Variants in PPARGC1A observed in about 807,000 individuals in gnomAD.
PPARGC1A encodes the protein peroxisome proliferator-activated receptor gamma coactivator 1-alpha.
Under a neutral mutation model 88.7 loss-of-function variants are expected in PPARGC1A, and 25 were observed. The observed-to-expected ratio is 0.28, with a 90% CI of 0.21 to 0.39. The LOEUF (loss-of-function observed/expected upper bound fraction) is 0.39, where lower values mean the gene tolerates loss of function less well. Among genes scored for constraint, PPARGC1A ranks in the 10% least tolerant of loss-of-function variants. The pLI is 1.00. For synonymous variants in PPARGC1A, 363 were observed against 355.6 expected (o/e 1.02, Z -0.24); for missense variants, 880 against 968.7 (o/e 0.91, Z 1.22).
the PPARGC1A span, among the ~76,000 whole-genome samples, chr4:23,959,182 G>A: frequency 1.3e-5 from 2 of 152,060 alleles, no homozygotes; most frequent in African/African-American, 4.8e-5. Context: ...CGAAGGGGCG[G>A]CATTGCCCAC....
At chr4:24,298,186 G>GAAA in the PPARGC1A span, among the ~76,000 whole-genome samples, 6 of 147,854 alleles carry the variant, frequency 4.1e-5, no homozygotes, top group East Asian at 2.0e-4. Context: ...ATTACCAAAT[G>GAAA]AAAAAAAAAA....
At chr4:24,447,027 A>G in the PPARGC1A span, among the ~76,000 whole-genome samples, 2 of 152,116 alleles carry the variant, frequency 1.3e-5, no homozygotes. Flanking sequence ...CGTCTATCTG[A>G]CTGCTGCTAC....
chr4:24,206,673 T>A, the PPARGC1A span, among the ~76,000 whole-genome samples: 2,777 of 151,506 alleles, frequency 0.018, 84 homozygotes, highest in East Asian at 0.15. Context: ...CTCTACTAAA[T>A]ACACACACAA....
At chr4:24,356,429 C>A in the PPARGC1A span, among the ~76,000 whole-genome samples, 1 of 152,202 alleles carries the variant, frequency 6.6e-6, no homozygotes, top group Admixed American at 6.5e-5. Context: ...GGACATTAAC[C>A]TGAGTTATCC....
chr4:24,109,077 T>A, the PPARGC1A span, among the ~76,000 whole-genome samples: 2 of 141,602 alleles, frequency 1.4e-5, no homozygotes, highest in African/African-American at 5.4e-5. Flanking sequence ...TAAATGCCAT[T>A]GCTAGAAAGG....
the PPARGC1A span, among the ~76,000 whole-genome samples, chr4:24,329,933 A>C: frequency 2.2e-4 from 33 of 152,248 alleles, no homozygotes; most frequent in African/African-American, 7.9e-4. Context: ...CTCCTCTCCA[A>C]TCATTCTGGC....
the PPARGC1A span, among the ~76,000 whole-genome samples, chr4:24,437,533 C>T: frequency 1.2e-4 from 18 of 152,242 alleles, no homozygotes; most frequent in African/African-American, 4.1e-4. Context: ...CCCCTCGGGG[C>T]TCTGAAGACT....
chr4:24,069,361 A>G, the PPARGC1A span, among the ~76,000 whole-genome samples: 1 of 152,202 alleles, frequency 6.6e-6, no homozygotes, highest in Non-Finnish European at 1.5e-5. Context: ...ATAATTTCCT[A>G]TGTCTCTCCC....
chr4:24,060,142 A>G, the PPARGC1A span, among the ~76,000 whole-genome samples: 2 of 152,224 alleles, frequency 1.3e-5, no homozygotes, highest in Non-Finnish European at 2.9e-5. Context: ...AGATGTGAAT[A>G]AAGATTGAAC....
At chr4:23,968,822 G>A in the PPARGC1A span, among the ~76,000 whole-genome samples, 5 of 152,076 alleles carry the variant, frequency 3.3e-5, no homozygotes, top group Non-Finnish European at 7.4e-5. Context: ...GGCTGAGGCA[G>A]AATTGCTTGA....
chr4:23,889,775 C>G, intron 1 of PPARGC1A, 129 bp downstream of exon 1: 1 of 1,109,990 alleles, frequency 9.0e-7, no homozygotes, highest in Non-Finnish European at 1.2e-6. Flanking sequence ...TGAGATTCTT[C>G]TAAAAGCTCC....
At chr4:24,403,387 G>T in the PPARGC1A span, among the ~76,000 whole-genome samples, 1 of 152,246 alleles carries the variant, frequency 6.6e-6, no homozygotes, top group Non-Finnish European at 1.5e-5. Flanking sequence ...GGCCAAGAAG[G>T]TTTTTGCTAG....
chr4:24,171,657 A>T, the PPARGC1A span, among the ~76,000 whole-genome samples: 2 of 152,142 alleles, frequency 1.3e-5, no homozygotes, highest in Non-Finnish European at 2.9e-5. Flanking sequence ...ATGAATTCCT[A>T]ACTCTCAAGC....
chr4:23,978,988 T>C, the PPARGC1A span, among the ~76,000 whole-genome samples: 8 of 152,020 alleles, frequency 5.3e-5, no homozygotes, highest in Non-Finnish European at 8.8e-5. Flanking sequence ...CTATTGCATA[T>C]AGAAAGAGAC....
At chr4:24,132,510 T>C in the PPARGC1A span, among the ~76,000 whole-genome samples, 1 of 152,190 alleles carries the variant, frequency 6.6e-6, no homozygotes, top group African/African-American at 2.4e-5. Flanking sequence ...TCACATTGTT[T>C]AGTCAGCGAT....
chr4:24,267,300 T>G, the PPARGC1A span, among the ~76,000 whole-genome samples: 1 of 152,188 alleles, frequency 6.6e-6, no homozygotes, highest in Non-Finnish European at 1.5e-5. Context: ...GGGATGGTTA[T>G]TTCGGTACAA....
upstream of PPARGC1A, among the ~76,000 whole-genome samples, chr4:23,905,524 C>G (rs147308246): frequency 6.6e-6 from 1 of 152,172 alleles, no homozygotes; most frequent in Non-Finnish European, 1.5e-5. Flanking sequence ...ACAAATGCAG[C>G]CTTCTCTGCT....
chr4:24,321,477 G>A, the PPARGC1A span, among the ~76,000 whole-genome samples: 4 of 152,024 alleles, frequency 2.6e-5, no homozygotes, highest in Non-Finnish European at 4.4e-5. Flanking sequence ...CTCCCAACTG[G>A]GAATCAGAAA....
At chr4:24,126,369 T>C in the PPARGC1A span, among the ~76,000 whole-genome samples, 6 of 152,068 alleles carry the variant, frequency 3.9e-5, no homozygotes, top group African/African-American at 1.4e-4. Context: ...TAATGCCCTT[T>C]GCAGTCTAAA....
Sources: gnomAD v4.1 joint callset for allele counts (sites outside exome capture counted in the v4.1 genomes callset) on GRCh38, gnomAD v4.1.1 for gene constraint, MANE v1.5 for transcripts, NCBI Gene and HGNC (gene_info 2026-07-23, HGNC 2026-07-21) for gene names.